Variants in TULP4 observed in about 807,000 individuals in gnomAD.
TULP4 encodes the protein TUB like protein 4.
TULP4 carries 16 observed loss-of-function variants against 129.0 expected under a neutral mutation model. The observed-to-expected ratio is 0.12, with a 90% CI of 0.08 to 0.19. The LOEUF is 0.19. TULP4 is among the 10% of genes least tolerant of loss of function. The pLI is 1.00. For synonymous variants in TULP4, 998 were observed against 854.0 expected, an observed-to-expected ratio of 1.17 and a Z score of -2.94; for missense variants, 1,842 against 2,059.1, an observed-to-expected ratio of 0.89 and a Z score of 2.04.
intron 12 of TULP4, among the ~76,000 whole-genome samples, chr6:158,500,363 G>T (rs1282063557): frequency 6.6e-6 from 1 of 152,214 alleles, no homozygotes; most frequent in Admixed American, 6.5e-5. Context: ...GTGGCCAGGG[G>T]AGAGTTATGT....
At chr6:158,427,597 G>A (rs939175884) in intron 2 of TULP4, among the ~76,000 whole-genome samples, 4 of 143,360 alleles carry the variant, frequency 2.8e-5, no homozygotes, top group East Asian at 2.1e-4. Flanking sequence ...AGGTTCAAGC[G>A]ATTCTCCTGC....
intron 2 of TULP4, 107 bp from the exon 3 acceptor site, chr6:158,429,629 C>A (rs955499866): frequency 1.7e-6 from 2 of 1,208,276 alleles, no homozygotes; most frequent in Non-Finnish European, 2.3e-6. Context: ...ATTTTAAGGC[C>A]ATCTCCATCT....
upstream of TULP4, among the ~76,000 whole-genome samples, chr6:158,308,960 G>C (rs75928619): frequency 9.1e-6 from 1 of 110,448 alleles, no homozygotes. Context: ...CCTCCCGGAC[G>C]GGGCGGCTGG....
chr6:158,362,800 GT>G (rs1184921118), intron 1 of TULP4, among the ~76,000 whole-genome samples: 1 of 152,148 alleles, frequency 6.6e-6, no homozygotes, highest in African/African-American at 2.4e-5. Flanking sequence ...TCTTGGCTGG[GT>G]GCGGTGGCTC....
intron 1 of TULP4, among the ~76,000 whole-genome samples, chr6:158,268,303 T>C (rs981227327): frequency 1.3e-5 from 2 of 151,952 alleles, no homozygotes; most frequent in Non-Finnish European, 2.9e-5. Flanking sequence ...CCTCCCAGAG[T>C]GCTGGAATTA....
chr6:158,294,007 A>C (rs1479062113), intron 1 of TULP4, among the ~76,000 whole-genome samples: 1 of 152,204 alleles, frequency 6.6e-6, no homozygotes, highest in Admixed American at 6.5e-5. Context: ...AAACTACCTC[A>C]TGCTCAGTGA....
intron 1 of TULP4, chr6:158,237,971 A>G (rs1160158782): frequency 5.5e-6 from 4 of 727,230 alleles, no homozygotes; most frequent in Non-Finnish European, 1.0e-5. Context: ...TTGAGCTTGA[A>G]GTTTGCAGCT....
intron 1 of TULP4, among the ~76,000 whole-genome samples, chr6:158,265,773 T>C (rs1334806208): frequency 6.6e-6 from 1 of 152,182 alleles, no homozygotes; most frequent in South Asian, 2.1e-4. Context: ...AGCTGTTTCT[T>C]TGATTAAACT....
chr6:158,341,372 A>G (rs1021837815), intron 1 of TULP4, among the ~76,000 whole-genome samples: 4 of 152,190 alleles, frequency 2.6e-5, no homozygotes, highest in Non-Finnish European at 5.9e-5. Context: ...TATCTTGGTT[A>G]TTTGACTGGT....
chr6:158,368,653 C>T (rs1000268817), intron 1 of TULP4, among the ~76,000 whole-genome samples: 1 of 152,142 alleles, frequency 6.6e-6, no homozygotes, highest in Non-Finnish European at 1.5e-5. Flanking sequence ...GCACACAGAG[C>T]CTTCGTCTTA....
intron 1 of TULP4, among the ~76,000 whole-genome samples, chr6:158,338,995 T>G (rs1434878409): frequency 1.3e-5 from 2 of 152,174 alleles, no homozygotes; most frequent in Non-Finnish European, 2.9e-5. Context: ...AGACTGAGTC[T>G]TACACTTGGG....
intron 1 of TULP4, among the ~76,000 whole-genome samples, chr6:158,236,936 G>A (rs376717519): frequency 2.0e-5 from 3 of 149,518 alleles, no homozygotes; most frequent in East Asian, 2.0e-4. Context: ...TCAGCCACCC[G>A]AGTAGCTGGG....
At position 158,314,074 on chromosome 6, in the gene TULP4, C is replaced by G. The variant is rs1197595401; in HGVS notation, c.58C>G (p.Leu20Val). The change falls in exon 1 of 14, where the codon CTG (leucine) becomes GTG (valine). Residue 20 changes from leucine (L) to valine (V), a missense_variant. By Grantham distance (32) the Leu-to-Val change is conservative (BLOSUM62 1). Around this residue, in one of 5 missense-constraint regions of TULP4, gnomAD observed 151 missense variants for 268.7 expected, o/e 0.56. Transcript: ENST00000367097. The part of the protein sequence containing the change: ...VLCSDSNILC[L>V]SWKGRVPKSE... ...TTGCAGCGATTCCAACATCCTGTGC[C>G]TGTCCTGGAAGGGGCGTGTCCCCAA... 1.9e-6 allele frequency: 3 copies of G among 1,614,108 alleles called. No individual in the cohort carries two copies. Among genetic ancestry groups the G allele is most frequent in the African/African-American group, 2.7e-5 (2 of 74,924 alleles).
chr6:158,395,084 C>T (rs963034826), intron 1 of TULP4, among the ~76,000 whole-genome samples: 2 of 152,124 alleles, frequency 1.3e-5, no homozygotes, highest in African/African-American at 4.8e-5. Flanking sequence ...CCAGTCACCT[C>T]CCACCAGGTC....
At chr6:158,434,990 A>T (rs1405616109) in intron 3 of TULP4, among the ~76,000 whole-genome samples, 1 of 152,228 alleles carries the variant, frequency 6.6e-6, no homozygotes, top group East Asian at 1.9e-4. Flanking sequence ...AGCAGCCCCC[A>T]CACGTTTCTC....
At chr6:158,323,846 A>G (rs1779689770) in intron 1 of TULP4, among the ~76,000 whole-genome samples, 1 of 152,174 alleles carries the variant, frequency 6.6e-6, no homozygotes. Context: ...GTTCTTGGAA[A>G]CTGCAGCTTT....
At chr6:158,370,640 G>C (rs1777051532) in intron 1 of TULP4, among the ~76,000 whole-genome samples, 1 of 152,040 alleles carries the variant, frequency 6.6e-6, no homozygotes, top group Non-Finnish European at 1.5e-5. Flanking sequence ...TCTTTTACTT[G>C]AGAGGTATTA....
intron 1 of TULP4, among the ~76,000 whole-genome samples, chr6:158,243,926 T>A (rs1777975627): frequency 6.6e-6 from 1 of 151,662 alleles, no homozygotes; most frequent in African/African-American, 2.4e-5. Flanking sequence ...TACCTTGAGG[T>A]ATAGAGTGTA....
At chr6:158,241,617 T>C (rs1777915440) in intron 1 of TULP4, among the ~76,000 whole-genome samples, 1 of 151,560 alleles carries the variant, frequency 6.6e-6, no homozygotes, top group Non-Finnish European at 1.5e-5. Flanking sequence ...TTTTTTGAGA[T>C]GGTGTCTCGC....
Sources: allele counts gnomAD v4.1 joint callset (sites outside exome capture counted in the v4.1 genomes callset), GRCh38; gene constraint gnomAD v4.1.1; regional missense constraint gnomAD v4.1.1; transcripts MANE v1.5; gene names NCBI Gene and HGNC (gene_info 2026-07-23, HGNC 2026-07-21).